Variants in GASK1B observed in about 807,000 individuals in gnomAD.
The protein encoded by GASK1B is golgi associated kinase 1B.
In GASK1B, 34 loss-of-function variants were observed where a neutral mutation model predicts 42.8. That is an observed-to-expected ratio of 0.79 (90% CI 0.60 to 1.06). The LOEUF is 1.06. Ranked by LOEUF, GASK1B falls within the 50% of genes least tolerant of loss-of-function variation. The pLI, the probability that GASK1B is intolerant of heterozygous loss-of-function variation, is 0.00. For synonymous variants in GASK1B, 262 were observed against 259.1 expected (o/e 1.01, Z -0.11); for missense variants, 686 against 661.0 (o/e 1.04, Z -0.42).
chr4:158,133,793 G>C (rs1730774886), intron 3 of GASK1B, among the ~76,000 whole-genome samples: 1 of 152,140 alleles, frequency 6.6e-6, no homozygotes, highest in Non-Finnish European at 1.5e-5. Context: ...AGATCTAAGA[G>C]ACATTATTAC....
At chr4:158,147,608 C>A (rs62337037) in intron 3 of GASK1B, among the ~76,000 whole-genome samples, 1 of 50,558 alleles carries the variant, frequency 2.0e-5, no homozygotes, top group African/African-American at 4.5e-5. Flanking sequence ...GTGACTCTGT[C>A]CCAAAAAAAA....
intron 4 of GASK1B, among the ~76,000 whole-genome samples, chr4:158,129,901 A>G (rs762622381): frequency 6.6e-6 from 1 of 152,146 alleles, no homozygotes; most frequent in Non-Finnish European, 1.5e-5. Context: ...TCTAGCCACA[A>G]TTTCCACTGC....
chr4:158,145,953 G>C (rs1731314599), intron 3 of GASK1B, among the ~76,000 whole-genome samples: 1 of 152,126 alleles, frequency 6.6e-6, no homozygotes, highest in African/African-American at 2.4e-5. Flanking sequence ...AGAAATGTAA[G>C]TATATGAAGA....
chr4:158,125,149 C>T lies in GASK1B; in HGVS notation c.*2258G>A, dbSNP rs1027127207. On this transcript the variant is annotated 3_prime_UTR_variant, in exon 5 of 5. Transcript: ENST00000585682. ...GCCTGGCCTTCGGCTATCCATTAGT[C>T]AAAAATAATTCATCATGAATTACTC... 1.3e-5 allele frequency: 2 copies of T among 152,150 alleles called. No homozygotes were observed. Among genetic ancestry groups the T allele is most frequent in the Admixed American group, 6.5e-5 (1 of 15,272 alleles). 9.4% of individuals were successfully genotyped at this position (152,150 alleles called of 1,614,324 possible). A position where few individuals can be genotyped will look rare whatever the true frequency, so the allele number is the denominator to read the frequency against.
At position 158,170,675 on chromosome 4, in the gene GASK1B, C is replaced by T. The variant is rs200854531; in HGVS notation, c.701G>A (p.Gly234Glu). The change falls in exon 2 of 5, where the codon GGG (glycine) becomes GAG (glutamate). Residue 234 changes from glycine (G) to glutamate (E), a missense_variant. Physicochemically the swap from Gly to Glu is moderately conservative, Grantham distance 98. Coordinates refer to ENST00000585682, the MANE Select transcript of GASK1B (RefSeq NM_001128424.2). Reference sequence around the variant, plus strand: ...GCTCCTAGAGGACACAGGCCGGAGCCCTGCCACTGCGCTGTCCGCCAAGAG... The same window carrying T: ...GCTCCTAGAGGACACAGGCCGGAGCTCTGCCACTGCGCTGTCCGCCAAGAG... ...MRLLADSAVA[G>E]LRPVSSRSGA... 9.6e-5 allele frequency: 155 copies of T among 1,614,156 alleles called. No individual in the cohort carries two copies. Among genetic ancestry groups the T allele is most frequent in the Admixed American group, 3.3e-5 (2 of 60,036 alleles).
chr4:158,158,655 AG>A (rs1249662319), intron 2 of GASK1B, among the ~76,000 whole-genome samples: 1 of 152,114 alleles, frequency 6.6e-6, no homozygotes, highest in Non-Finnish European at 1.5e-5. Context: ...TAAATATTTT[AG>A]GTTTTGAGGG....
rs182858341 is a variant in GASK1B at position 158,168,194 on chromosome 4, T to C, written c.910+2272A>G. Among the ~76,000 whole-genome samples, 237 of 152,328 alleles carry C rather than the reference T, an allele frequency of 1.6e-3. 1 individual carries two copies. Among genetic ancestry groups the C allele is most frequent in the African/African-American group, 5.4e-3 (224 of 41,572 alleles). The stretch of plus-strand genomic sequence containing the variant: ...GGATTTTATTTATTAAATTGAGTCA[T>C]ATTAGTATAGCTTTATTAGTTTATT... On this transcript the variant is annotated intron_variant, in intron 2 of 4. Coordinates refer to ENST00000585682, the MANE Select transcript of GASK1B (RefSeq NM_001128424.2).
intron 2 of GASK1B, among the ~76,000 whole-genome samples, chr4:158,166,787 AT>A (rs1162842850): frequency 6.6e-6 from 1 of 152,030 alleles, no homozygotes; most frequent in East Asian, 1.9e-4. Flanking sequence ...GTTTCATTAT[AT>A]TTATATATTT....
At chr4:158,141,133 T>A (rs545459961) in intron 3 of GASK1B, among the ~76,000 whole-genome samples, 2 of 152,180 alleles carry the variant, frequency 1.3e-5, no homozygotes, top group East Asian at 3.9e-4. Context: ...ACGCCAGCAA[T>A]CTCTAAGCAT....
At chr4:158,157,927 C>T (rs1731818519) in intron 2 of GASK1B, among the ~76,000 whole-genome samples, 1 of 151,968 alleles carries the variant, frequency 6.6e-6, no homozygotes, top group Non-Finnish European at 1.5e-5. Context: ...ATAAAAATCA[C>T]CTATAACCTC....
At position 158,130,869 on chromosome 4, in the gene GASK1B, C is replaced by T. The variant is rs1013017407; in HGVS notation, c.1269G>A (p.Arg423=). The T allele has an allele frequency of 4.0e-5, 64 of 1,614,032 alleles. No homozygotes were observed. Among genetic ancestry groups the T allele is most frequent in the Non-Finnish European group, 4.7e-5 (56 of 1,179,976 alleles). Residue 423 remains arginine (R), a synonymous_variant, in exon 4 of 5, where the codon AGG becomes AGA. Coordinates refer to ENST00000585682, the MANE Select transcript of GASK1B (RefSeq NM_001128424.2). ...AHIIQRKHDP[R]HLVFIDNKGF... is the part of the protein sequence containing the mutation. ...CCTTGTTGTCTATAAAAACCAAATG[C>T]CTTGGGTCATGCTTTCGCTGGATAA...
rs572537878 is a variant in GASK1B at position 158,125,812 on chromosome 4, T to G, written c.*1595A>C. On this transcript the variant is annotated 3_prime_UTR_variant, in exon 5 of 5. Coordinates refer to ENST00000585682, the MANE Select transcript of GASK1B (RefSeq NM_001128424.2). ...AAGCTACAATTAGATTTTCAAATGA[T>G]CTCTCTCTCCTTGGTCCATCTTCTC... The G allele has an allele frequency of 6.6e-6, 1 of 152,226 alleles. No individual in the cohort carries two copies. The highest frequency in any genetic ancestry group is 1.5e-5 in the Non-Finnish European group (1 of 67,984). The allele number at this position is 152,226 out of a possible 1,614,324, so 9.4% of individuals were successfully genotyped here. A position where few individuals can be genotyped will look rare whatever the true frequency, so the allele number is the denominator to read the frequency against.
chr4:158,154,350 T>C (rs1270253259), intron 3 of GASK1B, among the ~76,000 whole-genome samples: 1 of 151,858 alleles, frequency 6.6e-6, no homozygotes, highest in African/African-American at 2.4e-5. Flanking sequence ...ATGGCCATAA[T>C]ACAAAATAAC....
intron 2 of GASK1B, among the ~76,000 whole-genome samples, chr4:158,161,982 A>G (rs2111007609): frequency 6.6e-6 from 1 of 152,222 alleles, no homozygotes; most frequent in Non-Finnish European, 1.5e-5. Context: ...AGCTTAACTC[A>G]CATCGTGCCC....
intron 3 of GASK1B, among the ~76,000 whole-genome samples, chr4:158,150,118 G>A (rs1320061470): frequency 6.6e-6 from 1 of 151,518 alleles, no homozygotes; most frequent in African/African-American, 2.4e-5. Flanking sequence ...GTAGAGACGG[G>A]GTTTCACCGT....
At position 158,155,950 on chromosome 4, in the gene GASK1B, A is replaced by G; in HGVS notation, c.911-125T>C. The G allele has an allele frequency of 5.6e-6, 4 of 711,186 alleles. No homozygotes were observed. In the South Asian group the frequency reaches 7.6e-5, roughly 13 times the overall value. 44.1% of individuals were successfully genotyped at this position (711,186 alleles called of 1,614,324 possible). A position where few individuals can be genotyped will look rare whatever the true frequency, so the allele number is the denominator to read the frequency against. ...TCAAATGTGAGAGTTTAATCTGACA[A>G]TATTTTATGATCTCTTTGTCTTCTG... On this transcript the variant is annotated intron_variant, in intron 2 of 4. Transcript: ENST00000585682.
intron 3 of GASK1B, among the ~76,000 whole-genome samples, chr4:158,152,989 A>T (rs2110985067): frequency 6.6e-6 from 1 of 152,320 alleles, no homozygotes; most frequent in Middle Eastern, 3.4e-3. Context: ...AATACTGGAA[A>T]TCCTAGCCAG....
intron 2 of GASK1B, among the ~76,000 whole-genome samples, chr4:158,156,381 C>A (rs1427056053): frequency 6.6e-6 from 1 of 152,082 alleles, no homozygotes; most frequent in Non-Finnish European, 1.5e-5. Context: ...AGGTTTTTTT[C>A]TTTCCTGATA....
intron 3 of GASK1B, among the ~76,000 whole-genome samples, chr4:158,149,923 C>CTTTT (rs745441423): frequency 8.9e-5 from 6 of 67,178 alleles, no homozygotes; most frequent in African/African-American, 3.7e-4. Flanking sequence ...CTGCATGCTG[C>CTTTT]TTTTTTTTTT....
Sources: allele counts gnomAD v4.1 joint callset (sites outside exome capture counted in the v4.1 genomes callset), GRCh38; gene constraint gnomAD v4.1.1; transcripts MANE v1.5; gene names NCBI Gene and HGNC (gene_info 2026-07-23, HGNC 2026-07-21).